The following SCFD2 variants were observed in gnomAD, a reference collection of about 807,000 sequenced individuals.
SCFD2 encodes the protein sec1 family domain containing 2, also known as sec1 family domain-containing protein 2.
SCFD2 carries 54 observed loss-of-function variants against 58.9 expected under a neutral mutation model. The observed-to-expected ratio is 0.92, with a 90% CI of 0.74 to 1.15. The LOEUF is 1.15. SCFD2 is among the 50% of genes most tolerant of loss of function. SCFD2 has a pLI of 0.00. For missense variants in SCFD2, 805 were observed against 836.6 expected (o/e 0.96, Z 0.47); for synonymous variants, 321 against 335.9 (o/e 0.96, Z 0.49).
chr4:53,121,550 A>G (rs1241720646), intron 5 of SCFD2, among the ~76,000 whole-genome samples: 1 of 152,214 alleles, frequency 6.6e-6, no homozygotes, highest in Non-Finnish European at 1.5e-5. Context: ...AGAAGGATAG[A>G]GGCTGATTGA....
At chr4:53,260,068 G>A (rs562588823) in intron 4 of SCFD2, among the ~76,000 whole-genome samples, 1 of 151,448 alleles carries the variant, frequency 6.6e-6, no homozygotes, top group Non-Finnish European at 1.5e-5. Flanking sequence ...AGATTTGTGT[G>A]CATTAATTTC....
At chr4:53,012,353 C>T (rs138067149) in intron 5 of SCFD2, among the ~76,000 whole-genome samples, 1 of 116,600 alleles carries the variant, frequency 8.6e-6, no homozygotes, top group East Asian at 3.4e-4. Flanking sequence ...CTCTCTCTCT[C>T]TTTCTCTCTC....
In SCFD2 at chr4:53,129,556, C is replaced by T. The variant is rs115583986; in HGVS notation, c.1561+15777G>A. Among the ~76,000 whole-genome samples the T allele has an allele frequency of 7.8e-3, 1,195 of 152,252 alleles. 4 individuals are homozygous for T. The highest frequency in any genetic ancestry group is 0.031 in the Middle Eastern group (9 of 294). ...GTAAGTCAAAGCCTAGAGCCTGTTG[C>T]ATCTCTTTCAATATTTTTTTGCTGC... On this transcript the variant is annotated intron_variant, in intron 5 of 8. Coordinates refer to ENST00000401642, the MANE Select transcript of SCFD2 (RefSeq NM_152540.4).
intron 8 of SCFD2, among the ~76,000 whole-genome samples, chr4:52,878,796 A>G (rs1227762633): frequency 6.6e-6 from 1 of 152,216 alleles, no homozygotes; most frequent in East Asian, 1.9e-4. Context: ...ACTGAAGAAA[A>G]TTCCCATGGG....
intron 4 of SCFD2, among the ~76,000 whole-genome samples, chr4:53,177,689 G>A (rs941032595): frequency 2.6e-5 from 4 of 152,126 alleles, no homozygotes; most frequent in South Asian, 2.1e-4. Flanking sequence ...GCAGCGCACC[G>A]TGTGCGAGCC....
intron 2 of SCFD2, among the ~76,000 whole-genome samples, chr4:53,350,820 G>C (rs755317941): frequency 6.6e-6 from 1 of 152,032 alleles, no homozygotes; most frequent in Non-Finnish European, 1.5e-5. Flanking sequence ...AGATACTCTC[G>C]TGCCTCAGCC....
At chr4:53,298,828 C>CA (rs1461593688) in intron 3 of SCFD2, among the ~76,000 whole-genome samples, 3 of 152,072 alleles carry the variant, frequency 2.0e-5, no homozygotes, top group Non-Finnish European at 4.4e-5. Context: ...GATACCCAGG[C>CA]AAAAAGGGTC....
chr4:52,950,982 T>C (rs765627303), intron 5 of SCFD2: 2 of 152,222 alleles, frequency 1.3e-5, no homozygotes, highest in Non-Finnish European at 2.9e-5. Context: ...CTTAGTGGAA[T>C]GGGAGCACAA....
At chr4:52,881,539 G>A (rs986951953) in intron 8 of SCFD2, among the ~76,000 whole-genome samples, 3 of 152,212 alleles carry the variant, frequency 2.0e-5, no homozygotes, top group Non-Finnish European at 2.9e-5. Context: ...GCCTGGCACA[G>A]AGCAGATCAT....
At chr4:53,131,199 T>C (rs1725777363) in intron 5 of SCFD2, among the ~76,000 whole-genome samples, 1 of 152,228 alleles carries the variant, frequency 6.6e-6, no homozygotes, top group African/African-American at 2.4e-5. Flanking sequence ...AATGAGAATT[T>C]ATTACTGTAA....
chr4:52,929,938 T>C (rs180858905), intron 5 of SCFD2, among the ~76,000 whole-genome samples: 28 of 152,310 alleles, frequency 1.8e-4, no homozygotes, highest in African/African-American at 6.7e-4. Flanking sequence ...TATTCCAAAG[T>C]AATTTATAGA....
chr4:53,171,353 G>A (rs1434240255), intron 4 of SCFD2, among the ~76,000 whole-genome samples: 1 of 152,146 alleles, frequency 6.6e-6, no homozygotes, highest in Non-Finnish European at 1.5e-5. Flanking sequence ...TTGCATCCCA[G>A]GGATAAATCC....
chr4:53,230,523 C>T (rs1001369597), intron 4 of SCFD2, among the ~76,000 whole-genome samples: 2 of 148,886 alleles, frequency 1.3e-5, no homozygotes, highest in Non-Finnish European at 3.0e-5. Flanking sequence ...ATCGCAAGGA[C>T]AAAAAACCAA....
At chr4:53,298,252 C>G (rs1050714607) in intron 3 of SCFD2, among the ~76,000 whole-genome samples, 1 of 152,196 alleles carries the variant, frequency 6.6e-6, no homozygotes, top group Non-Finnish European at 1.5e-5. Flanking sequence ...CACCCTAATA[C>G]TGTGCTTTTC....
intron 7 of SCFD2, among the ~76,000 whole-genome samples, chr4:52,898,956 A>C (rs1466209321): frequency 1.3e-5 from 2 of 152,188 alleles, no homozygotes; most frequent in Non-Finnish European, 2.9e-5. Flanking sequence ...GTTTTATCCA[A>C]GACTAGGATT....
intron 7 of SCFD2, among the ~76,000 whole-genome samples, chr4:52,896,243 T>C (rs1719007790): frequency 1.3e-5 from 2 of 152,256 alleles, no homozygotes; most frequent in Admixed American, 6.5e-5. Context: ...TGCCCATGCC[T>C]ATGTCCTGAA....
intron 3 of SCFD2, among the ~76,000 whole-genome samples, chr4:53,298,655 G>C (rs1028503169): frequency 5.3e-5 from 8 of 152,176 alleles, no homozygotes; most frequent in Non-Finnish European, 8.8e-5. Flanking sequence ...TCCTCAAGTG[G>C]GTCCTTGACC....
chr4:53,365,770 C>G lies in SCFD2; in HGVS notation c.172G>C (p.Glu58Gln). The G allele has an allele frequency of 6.2e-7, 1 of 1,613,894 alleles. No individual in the cohort carries two copies. Among genetic ancestry groups the G allele is most frequent in the Non-Finnish European group, 8.5e-7 (1 of 1,179,904 alleles). Residue 58 changes from glutamate to glutamine, a missense_variant, in exon 1 of 9, where the codon GAG (glutamate) becomes CAG (glutamine). Transcript: ENST00000401642. The surrounding 1 kb of genome is among the most constrained non-coding windows in gnomAD (Gnocchi z 4.3). The stretch of plus-strand genomic sequence containing the variant: ...CCACCAATTGCGTCGGGCTCGAACT[C>G]TCGCAGGTGACAGTCAGGACCCCCC... The part of the protein sequence containing the change: ...AVGGPDCHLR[E>Q]FEPDAIGGGA...
At chr4:52,938,207 G>A (rs1055388059) in intron 5 of SCFD2, among the ~76,000 whole-genome samples, 6 of 152,114 alleles carry the variant, frequency 3.9e-5, no homozygotes, top group Non-Finnish European at 1.5e-5. Context: ...TTACTCCTCA[G>A]AGCTGTTCTA....
Sources: allele counts gnomAD v4.1 joint callset (sites outside exome capture counted in the v4.1 genomes callset), GRCh38; gene constraint gnomAD v4.1.1; non-coding constraint Gnocchi (gnomAD v3.1); transcripts MANE v1.5; gene names NCBI Gene and HGNC (gene_info 2026-07-23, HGNC 2026-07-21).